The following FAM13A variants were observed in gnomAD, a reference collection of about 807,000 sequenced individuals.
FAM13A encodes the protein family with sequence similarity 13 member A.
Under a neutral mutation model 129.6 loss-of-function variants are expected in FAM13A, and 76 were observed. That is an observed-to-expected ratio of 0.59 (90% CI 0.49 to 0.71). The LOEUF (loss-of-function observed/expected upper bound fraction) is 0.71. Ranked by LOEUF, FAM13A falls within the 30% of genes least tolerant of loss-of-function variation. FAM13A has a pLI of 0.00. For missense variants in FAM13A, 1,108 were observed against 1,249.3 expected, an observed-to-expected ratio of 0.89 and a Z score of 1.70; for synonymous variants, 443 against 449.9, an observed-to-expected ratio of 0.98 and a Z score of 0.20.
intron 7 of FAM13A, among the ~76,000 whole-genome samples, chr4:88,826,396 T>C (rs1732998912): frequency 6.6e-6 from 1 of 152,060 alleles, no homozygotes; most frequent in South Asian, 2.1e-4. Flanking sequence ...CTTCCACTTC[T>C]TCCCCCTTTA....
At chr4:88,980,257 C>T (rs937614472) in intron 4 of FAM13A, among the ~76,000 whole-genome samples, 2 of 152,090 alleles carry the variant, frequency 1.3e-5, no homozygotes, top group East Asian at 1.9e-4. Context: ...TATAAACTGA[C>T]GTGTGACCAG....
intron 2 of FAM13A, among the ~76,000 whole-genome samples, chr4:89,028,235 C>A (rs1388666909): frequency 6.9e-6 from 1 of 145,224 alleles, no homozygotes; most frequent in Non-Finnish European, 1.5e-5. Context: ...CCCCCAAAAA[C>A]TGATGAATTG....
chr4:88,834,967 T>C (rs911946289), intron 7 of FAM13A, among the ~76,000 whole-genome samples: 3 of 152,208 alleles, frequency 2.0e-5, no homozygotes, highest in Non-Finnish European at 2.9e-5. Context: ...GCTTTTTTTT[T>C]CCTAGTGAAT....
intron 8 of FAM13A, among the ~76,000 whole-genome samples, chr4:88,794,803 T>C (rs1358477677): frequency 6.6e-6 from 1 of 151,880 alleles, no homozygotes; most frequent in Non-Finnish European, 1.5e-5. Flanking sequence ...ATAAAGCTCA[T>C]GTAACAATCA....
chr4:88,971,149 C>T (rs568445130), intron 4 of FAM13A, among the ~76,000 whole-genome samples: 78 of 152,184 alleles, frequency 5.1e-4, no homozygotes, highest in African/African-American at 1.7e-3. Flanking sequence ...ACCCGGGAGG[C>T]GGAGCTTGCA....
chr4:88,866,633 A>G (rs573336681), intron 6 of FAM13A, among the ~76,000 whole-genome samples: 5 of 152,314 alleles, frequency 3.3e-5, no homozygotes, highest in South Asian at 2.1e-4. Context: ...CTCAATTCCA[A>G]TGGAAATCAG....
intron 6 of FAM13A, among the ~76,000 whole-genome samples, chr4:88,898,492 A>G (rs1746719671): frequency 6.6e-6 from 1 of 152,288 alleles, no homozygotes; most frequent in African/African-American, 2.4e-5. Context: ...ATCAAAGCAT[A>G]AGTTTTATAA....
intron 7 of FAM13A, among the ~76,000 whole-genome samples, chr4:88,808,266 G>T (rs1456499339): frequency 6.6e-6 from 1 of 151,990 alleles, no homozygotes; most frequent in East Asian, 1.9e-4. Context: ...GACTTCGAAG[G>T]TAATTTTAAG....
chr4:88,749,578 C>T (rs951960176), intron 16 of FAM13A, among the ~76,000 whole-genome samples, 193 bp downstream of exon 16: 2 of 151,098 alleles, frequency 1.3e-5, no homozygotes, highest in Admixed American at 6.6e-5. Flanking sequence ...TGTAAGAATA[C>T]ACTTGTGCAA....
At chr4:88,998,587 G>A (rs754618382) in intron 3 of FAM13A, among the ~76,000 whole-genome samples, 11 of 152,138 alleles carry the variant, frequency 7.2e-5, no homozygotes, top group Non-Finnish European at 8.8e-5. Flanking sequence ...CTATAGCTTC[G>A]TAAATTCTCA....
intron 5 of FAM13A, among the ~76,000 whole-genome samples, chr4:88,932,621 T>C (rs1242586777): frequency 2.0e-5 from 3 of 152,210 alleles, no homozygotes; most frequent in African/African-American, 7.2e-5. Context: ...GCAATGTTTT[T>C]GAGCATGAAA....
At chr4:88,985,633 G>C (rs1402722199) in intron 4 of FAM13A, among the ~76,000 whole-genome samples, 3 of 152,048 alleles carry the variant, frequency 2.0e-5, no homozygotes, top group Middle Eastern at 3.2e-3. Flanking sequence ...CTGTGGAGGG[G>C]AATTAGGGCT....
At chr4:88,876,799 G>C (rs185021898) in intron 6 of FAM13A, among the ~76,000 whole-genome samples, 22 of 152,214 alleles carry the variant, frequency 1.4e-4, no homozygotes, top group Non-Finnish European at 2.9e-4. Context: ...CACCATGTTA[G>C]CCAGGATGGT....
chr4:88,775,553 A>T (rs558985333), intron 11 of FAM13A, among the ~76,000 whole-genome samples: 8 of 152,202 alleles, frequency 5.3e-5, no homozygotes, highest in Admixed American at 4.6e-4. Flanking sequence ...AAAAAATTTT[A>T]AAAATTAGCT....
chr4:88,871,684 A>C (rs1422745625), intron 6 of FAM13A, among the ~76,000 whole-genome samples: 1 of 152,232 alleles, frequency 6.6e-6, no homozygotes, highest in Non-Finnish European at 1.5e-5. Context: ...TGTATCTGAA[A>C]GTGATGGGGA....
At chr4:89,015,193 CA>C (rs1766313240) in intron 3 of FAM13A, among the ~76,000 whole-genome samples, 1 of 152,236 alleles carries the variant, frequency 6.6e-6, no homozygotes, top group Non-Finnish European at 1.5e-5. Context: ...AAGATGTTAC[CA>C]ACGACAATGT....
chr4:89,001,322 T>C (rs1175955918), intron 3 of FAM13A, among the ~76,000 whole-genome samples: 1 of 152,232 alleles, frequency 6.6e-6, no homozygotes, highest in Non-Finnish European at 1.5e-5. Flanking sequence ...TTTGTGCTGC[T>C]GATTGATTGG....
At chr4:88,851,330 T>A in intron 6 of FAM13A, 147 bp from the exon 7 acceptor site, 1 of 654,266 alleles carries the variant, frequency 1.5e-6, no homozygotes. Flanking sequence ...AAAAATTAAA[T>A]TTAAACTACA....
chr4:88,943,372 A>T (rs147350902), intron 4 of FAM13A, among the ~76,000 whole-genome samples: 253 of 152,358 alleles, frequency 1.7e-3, no homozygotes, highest in African/African-American at 5.7e-3. Context: ...TTGTATGGAT[A>T]TGTTATTGAT....
Sources: allele counts gnomAD v4.1 joint callset (sites outside exome capture counted in the v4.1 genomes callset), GRCh38; gene constraint gnomAD v4.1.1; transcripts MANE v1.5; gene names NCBI Gene and HGNC (gene_info 2026-07-23, HGNC 2026-07-21).